BMP6: variants seen among roughly 807,000 people sequenced by gnomAD.
The protein encoded by BMP6 is VG-1-R.
A neutral mutation model predicts 54.1 loss-of-function variants in BMP6; 17 were observed. That is an observed-to-expected ratio of 0.31 (90% confidence interval 0.22 to 0.47). The LOEUF is 0.47. Among genes scored for constraint, BMP6 ranks in the 20% least tolerant of loss-of-function variants. The pLI is 1.00. For synonymous variants in BMP6, 328 were observed against 291.2 expected (o/e 1.13, Z -1.28); for missense variants, 720 against 690.4 (o/e 1.04, Z -0.48).
At chr6:7,770,441 A>G (rs1214984868) in intron 1 of BMP6, among the ~76,000 whole-genome samples, 1 of 152,150 alleles carries the variant, frequency 6.6e-6, no homozygotes, top group Non-Finnish European at 1.5e-5. Context: ...CCCGGTAAAG[A>G]TTGCATAGTC....
intron 1 of BMP6, among the ~76,000 whole-genome samples, chr6:7,798,662 C>T (rs1054583139): frequency 6.6e-6 from 1 of 152,220 alleles, no homozygotes; most frequent in Admixed American, 6.5e-5. Flanking sequence ...ACTCACTCGG[C>T]ACTGCTGCTT....
At chr6:7,845,612 G>C (rs1759049511) in intron 2 of BMP6, among the ~76,000 whole-genome samples, 1 of 152,202 alleles carries the variant, frequency 6.6e-6, no homozygotes, top group Non-Finnish European at 1.5e-5. Context: ...GGGTTAAAAT[G>C]TTCCCACTAT....
chr6:7,842,369 TTC>T (rs1453224420), intron 1 of BMP6, among the ~76,000 whole-genome samples: 1 of 152,146 alleles, frequency 6.6e-6, no homozygotes, highest in Non-Finnish European at 1.5e-5. Flanking sequence ...AGTTTGTGTG[TTC>T]TGTCTCTCTC....
intron 1 of BMP6, among the ~76,000 whole-genome samples, chr6:7,811,246 G>A: frequency 6.6e-6 from 1 of 152,152 alleles, no homozygotes; most frequent in Non-Finnish European, 1.5e-5. Flanking sequence ...AGTGACTGTA[G>A]CAATGATTCC....
chr6:7,875,529 TGTG>T (rs1315317892), intron 4 of BMP6, among the ~76,000 whole-genome samples: 2 of 151,920 alleles, frequency 1.3e-5, no homozygotes, highest in Admixed American at 6.6e-5. Context: ...AAAGTTAGCT[TGTG>T]GTGGCCCGTT....
At chr6:7,827,331 T>C (rs1758713077) in intron 1 of BMP6, among the ~76,000 whole-genome samples, 1 of 152,226 alleles carries the variant, frequency 6.6e-6, no homozygotes, top group Non-Finnish European at 1.5e-5. Context: ...TATACTGAGA[T>C]ACTCTCTCCA....
intron 1 of BMP6, among the ~76,000 whole-genome samples, chr6:7,788,824 C>T (rs993380061): frequency 6.6e-6 from 1 of 151,460 alleles, no homozygotes; most frequent in Non-Finnish European, 1.5e-5. Context: ...GAGTTTGTCA[C>T]CTGGTAGAAA....
intron 1 of BMP6, among the ~76,000 whole-genome samples, chr6:7,771,607 C>A (rs1757788838): frequency 6.6e-6 from 1 of 152,146 alleles, no homozygotes; most frequent in African/African-American, 2.4e-5. Flanking sequence ...GACCCCACAG[C>A]CTGTGTTGAG....
intron 1 of BMP6, among the ~76,000 whole-genome samples, chr6:7,763,100 G>A (rs1364017372): frequency 6.6e-6 from 1 of 152,214 alleles, no homozygotes; most frequent in Non-Finnish European, 1.5e-5. Context: ...GCAAGTCTTG[G>A]TAAATAGGTT....
intron 4 of BMP6, among the ~76,000 whole-genome samples, chr6:7,870,151 G>A (rs887177865): frequency 6.6e-6 from 1 of 152,194 alleles, no homozygotes; most frequent in African/African-American, 2.4e-5. Flanking sequence ...TGGCCCCCAG[G>A]TAACATGGAG....
At chr6:7,800,347 GAGTC>G (rs1291363508) in intron 1 of BMP6, among the ~76,000 whole-genome samples, 7 of 152,248 alleles carry the variant, frequency 4.6e-5, no homozygotes, top group East Asian at 3.9e-4. Context: ...CTTTAAAAAA[GAGTC>G]AGATAATTCC....
At chr6:7,728,754 G>A (rs1481907026) in intron 1 of BMP6, among the ~76,000 whole-genome samples, 1 of 152,198 alleles carries the variant, frequency 6.6e-6, no homozygotes, top group East Asian at 1.9e-4. Context: ...CATGTGAGAC[G>A]GTGGTTGTGC....
At chr6:7,801,243 A>G (rs975505785) in intron 1 of BMP6, among the ~76,000 whole-genome samples, 6 of 152,132 alleles carry the variant, frequency 3.9e-5, no homozygotes, top group Admixed American at 3.9e-4. Flanking sequence ...ATAATTTCCA[A>G]ACTGCTTTGT....
At chr6:7,748,633 C>T (rs1023806010) in intron 1 of BMP6, among the ~76,000 whole-genome samples, 3 of 152,112 alleles carry the variant, frequency 2.0e-5, no homozygotes, top group African/African-American at 4.8e-5. Flanking sequence ...CCACAAATAC[C>T]CCGTGAATAA....
At chr6:7,811,999 A>G (rs1325210652) in intron 1 of BMP6, among the ~76,000 whole-genome samples, 1 of 152,268 alleles carries the variant, frequency 6.6e-6, no homozygotes, top group East Asian at 1.9e-4. Context: ...CTTTGTATCA[A>G]CATAGGCAGG....
At chr6:7,855,604 C>T (rs1315284344) in intron 2 of BMP6, among the ~76,000 whole-genome samples, 5 of 126,012 alleles carry the variant, frequency 4.0e-5, no homozygotes, top group Non-Finnish European at 7.8e-5. Context: ...CTCTGTCGCT[C>T]AGGCTGGGGT....
intron 1 of BMP6, among the ~76,000 whole-genome samples, chr6:7,797,530 G>T (rs1352768330): frequency 6.6e-6 from 1 of 152,210 alleles, no homozygotes; most frequent in African/African-American, 2.4e-5. Flanking sequence ...TGTTTGAGGT[G>T]AGAAACAAGA....
intron 1 of BMP6, among the ~76,000 whole-genome samples, chr6:7,799,867 G>A (rs929681317): frequency 6.6e-6 from 1 of 152,058 alleles, no homozygotes; most frequent in African/African-American, 2.4e-5. Context: ...CCTGACCTAG[G>A]TGTCATCTGC....
At chr6:7,737,721 A>G (rs1761976242) in intron 1 of BMP6, among the ~76,000 whole-genome samples, 1 of 150,776 alleles carries the variant, frequency 6.6e-6, no homozygotes, top group East Asian at 1.9e-4. Context: ...GCTCTTACCT[A>G]TAGTTTTGGA....
Sources: allele counts gnomAD v4.1 joint callset (sites outside exome capture counted in the v4.1 genomes callset), GRCh38; gene constraint gnomAD v4.1.1; transcripts MANE v1.5; gene names NCBI Gene and HGNC (gene_info 2026-07-23, HGNC 2026-07-21).